Variants in PIGS observed in about 807,000 individuals in gnomAD.
The protein encoded by PIGS is phosphatidylinositol glycan anchor biosynthesis class S, also known as GPI-anchor transamidase component PIGS.
Under a neutral mutation model 58.2 loss-of-function variants are expected in PIGS, and 37 were observed. The observed-to-expected ratio is 0.64, with a 90% confidence interval of 0.49 to 0.84. PIGS has a LOEUF of 0.84. Among genes scored for constraint, PIGS ranks in the 40% least tolerant of loss-of-function variants. The pLI is 0.00. For synonymous variants in PIGS, 269 were observed against 289.2 expected, an observed-to-expected ratio of 0.93 and a Z score of 0.71; for missense variants, 629 against 710.8, an observed-to-expected ratio of 0.88 and a Z score of 1.31.
At chr17:28,560,607 G>A (rs542952280) in intron 6 of PIGS, among the ~76,000 whole-genome samples, 40 of 152,042 alleles carry the variant, frequency 2.6e-4, no homozygotes, top group East Asian at 2.1e-3. Flanking sequence ...GTGAAACCCC[G>A]TCTCTACTAA....
chr17:28,559,863 AATGG>A (rs1008928895), intron 7 of PIGS, among the ~76,000 whole-genome samples, 182 bp downstream of exon 7: 1 of 152,122 alleles, frequency 6.6e-6, no homozygotes, highest in Non-Finnish European at 1.5e-5. Flanking sequence ...ATCTGCCCTC[AATGG>A]ATGGATGGAC....
At chr17:28,570,752 G>C (rs1042642585) in intron 3 of PIGS, 100 bp downstream of exon 3, 16 of 1,168,326 alleles carry the variant, frequency 1.4e-5, no homozygotes, top group Non-Finnish European at 1.9e-5. Context: ...TCAACAGTAA[G>C]TTTTTAACTG....
intron 3 of PIGS, among the ~76,000 whole-genome samples, chr17:28,566,593 CTT>C (rs959977540): frequency 2.8e-4 from 37 of 131,340 alleles, no homozygotes; most frequent in Admixed American, 4.6e-4. Flanking sequence ...GCCCAGCCTA[CTT>C]TTTTTTTTTT....
intron 8 of PIGS, 168 bp from the exon 9 acceptor site, chr17:28,557,140 C>T (rs1201043672): frequency 4.3e-6 from 3 of 698,582 alleles, no homozygotes; most frequent in African/African-American, 3.7e-5. Context: ...TCAGAATGTT[C>T]TCCCGAGATG....
In PIGS at chr17:28,571,215, C is replaced by A. The variant is rs569144964; in HGVS notation, c.35-27G>T. 20 of 1,606,232 alleles carry A rather than the reference C, an allele frequency of 1.2e-5. No individual in the cohort carries two copies. The African/African-American group carries it at 1.5e-4, about 12-fold the overall frequency. ...TGAGGGCATGGGGAACCGACTGAGGCGCTGGAAACGGGCTAGGGTACCGGC... is the reference window on the plus strand; with the variant it reads ...TGAGGGCATGGGGAACCGACTGAGGAGCTGGAAACGGGCTAGGGTACCGGC... On this transcript the variant is annotated intron_variant, in intron 1 of 11. Coordinates refer to ENST00000308360, the MANE Select transcript of PIGS (RefSeq NM_033198.4).
chr17:28,565,966 C>T (rs1042006975), intron 3 of PIGS, among the ~76,000 whole-genome samples: 5 of 151,948 alleles, frequency 3.3e-5, no homozygotes, highest in African/African-American at 1.2e-4. Context: ...GGGAGGCGGA[C>T]GATGCAGTGA....
intron 6 of PIGS, 71 bp from the exon 7 acceptor site, chr17:28,560,262 G>T: frequency 6.6e-7 from 1 of 1,518,520 alleles, no homozygotes; most frequent in Non-Finnish European, 9.0e-7. Context: ...TGTACTCCCA[G>T]CTGAGCTGAA....
Position 28,571,049 on chromosome 17 carries a change from C to A in PIGS, c.174G>T (p.Gln58His). 1 of 1,614,210 alleles carries A rather than the reference C, an allele frequency of 6.2e-7. No homozygotes were observed. Among genetic ancestry groups the A allele is most frequent in the Non-Finnish European group, 8.5e-7 (1 of 1,180,054 alleles). ...YSQISGLNAL[Q>H]LRLMVPVTVV... ...CGACCCTCCCGCACAGCAGTCTCAC[C>A]TGAAGGGCATTCAGGCCACTGATCT... The change falls in exon 2 of 12, where the codon CAG (glutamine) becomes CAT (histidine). Residue 58 changes from glutamine to histidine, a missense_variant and splice_region_variant. Transcript: ENST00000308360.
In PIGS at chr17:28,555,049, C is replaced by T. The variant is rs769831302; in HGVS notation, c.1194G>A (p.Gly398=). 3.0e-5 allele frequency: 49 copies of T among 1,612,574 alleles called. No individual in the cohort carries two copies. Among genetic ancestry groups the T allele is most frequent in the Non-Finnish European group, 3.8e-5 (45 of 1,179,334 alleles). The stretch of plus-strand genomic sequence containing the variant: ...TTGGAGGCAGCTGGGGCTGAGCAAT[C>T]CCAAAGAGCAACCTGTAGGAACATC... ...VFLAQLRLLF[G]IAQPQLPPKC... Residue 398 remains glycine, a synonymous_variant, in exon 11 of 12, where the codon GGG becomes GGA. Coordinates refer to ENST00000308360, the MANE Select transcript of PIGS (RefSeq NM_033198.4).
rs769389444 is a variant in PIGS, at chr17:28,563,479, G to A, written c.420C>T (p.Gly140=). ...MLDEPQEQAE[G]SLTVYVISEH... Reference sequence around the variant, plus strand: ...CAGATATCACGTACACAGTCAGGGAGCCCTCCGCTTGTTCCTGAGGCTCAT... The same window carrying A: ...CAGATATCACGTACACAGTCAGGGAACCCTCCGCTTGTTCCTGAGGCTCAT... The change falls in exon 5 of 12, where the codon GGC becomes GGT. Residue 140 remains glycine, a synonymous_variant. Transcript: ENST00000308360. 115 of 1,613,964 alleles carry A rather than the reference G, an allele frequency of 7.1e-5. No individual in the cohort carries two copies. Among genetic ancestry groups the A allele is most frequent in the Non-Finnish European group, 8.5e-5 (100 of 1,180,032 alleles).
Position 28,553,843 on chromosome 17 carries a change from T to G in PIGS, c.*377A>C. On this transcript the variant is annotated 3_prime_UTR_variant, in exon 12 of 12. Coordinates refer to ENST00000308360, the MANE Select transcript of PIGS (RefSeq NM_033198.4). Reference sequence around the variant, plus strand: ...CTGTCCCACAGGGACTAGAGAGAGGTGTGGAAGGCAGGGACTTTCCCATAA... The same window carrying G: ...CTGTCCCACAGGGACTAGAGAGAGGGGTGGAAGGCAGGGACTTTCCCATAA... 1 of 249,658 alleles carries G rather than the reference T, an allele frequency of 4.0e-6. No homozygotes were observed. Among genetic ancestry groups the G allele is most frequent in the Non-Finnish European group, 7.8e-6 (1 of 127,982 alleles). 15.5% of individuals were successfully genotyped at this position (249,658 alleles called of 1,614,324 possible).
intron 10 of PIGS, 139 bp downstream of exon 10, chr17:28,556,027 C>T (rs1322053530): frequency 1.4e-6 from 1 of 701,048 alleles, no homozygotes; most frequent in African/African-American, 1.8e-5. Flanking sequence ...ATGATGGGAT[C>T]CTTAGAAACT....
intron 3 of PIGS, among the ~76,000 whole-genome samples, chr17:28,568,879 G>A (rs932139959): frequency 4.0e-5 from 6 of 151,136 alleles, no homozygotes; most frequent in Non-Finnish European, 8.8e-5. Flanking sequence ...GTGGATCACT[G>A]GAGGTCAGGA....
Position 28,554,962 on chromosome 17 carries a change from G to A in PIGS, c.1281C>T (p.Leu427=). The A allele has an allele frequency of 6.2e-7, 1 of 1,612,356 alleles. No individual in the cohort carries two copies. The highest frequency in any genetic ancestry group is 8.5e-7 in the Non-Finnish European group (1 of 1,179,012). Residue 427 remains leucine (L), a synonymous_variant, in exon 11 of 12, where the codon CTC becomes CTT. Coordinates refer to ENST00000308360, the MANE Select transcript of PIGS (RefSeq NM_033198.4). ...GLMTWELDRL[L]WARSVENLAT... ...CCAGGTTCTCCACTGACCGAGCCCAGAGCAGCCGGTCTAGCTCCCAGGTCA... is the reference window on the plus strand; with the variant it reads ...CCAGGTTCTCCACTGACCGAGCCCAAAGCAGCCGGTCTAGCTCCCAGGTCA...
rs199847558 is a variant in PIGS, at chr17:28,571,014, G to A, written c.174+35C>T. ...CACTGAGTCTCCACCTTGCCGGGGG[G>A]GCTGTCCCCCGACCCTCCCGCACAG... On this transcript the variant is annotated intron_variant, in intron 2 of 11. Coordinates refer to ENST00000308360, the MANE Select transcript of PIGS (RefSeq NM_033198.4). 76 of 1,614,128 alleles carry A rather than the reference G, an allele frequency of 4.7e-5. No homozygotes were observed. In the East Asian group the frequency reaches 1.5e-3, roughly 31 times the overall value.
At chr17:28,563,006 C>T (rs113557972) in intron 5 of PIGS, among the ~76,000 whole-genome samples, 1 of 152,094 alleles carries the variant, frequency 6.6e-6, no homozygotes, top group Non-Finnish European at 1.5e-5. Flanking sequence ...AGCCAGCATT[C>T]TTTATTAAAA....
In PIGS at chr17:28,556,849, C is replaced by G. The variant is rs779170011; in HGVS notation, c.1058G>C (p.Ser353Thr). The change falls in exon 9 of 12, where the codon AGT (serine) becomes ACT (threonine). Residue 353 changes from serine (S) to threonine (T), a missense_variant. Physicochemically the swap from Ser to Thr is moderately conservative, Grantham distance 58 (BLOSUM62 1). Coordinates refer to ENST00000308360, the MANE Select transcript of PIGS (RefSeq NM_033198.4). ...TACCATAATGCCACCCCAGCGGGGACTATGGAAGGCATTGGTGGCCACTGG... is the reference window on the plus strand; with the variant it reads ...TACCATAATGCCACCCCAGCGGGGAGTATGGAAGGCATTGGTGGCCACTGG... ...GAPVATNAFH[S>T]PRWGGIMVYN... 1.2e-6 allele frequency: 2 copies of G among 1,613,946 alleles called. No homozygotes were observed. Among genetic ancestry groups the G allele is most frequent in the East Asian group, 2.2e-5 (1 of 44,894 alleles).
In PIGS at chr17:28,555,288, T is replaced by C. The variant is rs150164479; in HGVS notation, c.1182-227A>G. 120 of 517,164 alleles carry C rather than the reference T, an allele frequency of 2.3e-4. 1 individual carries two copies. The East Asian group carries it at 4.1e-3, about 18-fold the overall frequency. 32.0% of individuals were successfully genotyped at this position (517,164 alleles called of 1,614,324 possible). A position where few individuals can be genotyped will look rare whatever the true frequency, so the allele number is the denominator to read the frequency against. Reference sequence around the variant, plus strand: ...GTTTCTGCTTTTACCTGTTTCTACATTAGATTTCCAAGATCTTGTTTTTTA... The same window carrying C: ...GTTTCTGCTTTTACCTGTTTCTACACTAGATTTCCAAGATCTTGTTTTTTA... On this transcript the variant is annotated intron_variant, in intron 10 of 11. Transcript: ENST00000308360.
At chr17:28,565,801 A>T (rs2070390568) in intron 3 of PIGS, among the ~76,000 whole-genome samples, 1 of 152,212 alleles carries the variant, frequency 6.6e-6, no homozygotes, top group Admixed American at 6.5e-5. Context: ...AGGCCAAGAC[A>T]GGCGGACTGC....
Sources: gnomAD v4.1 joint callset for allele counts (sites outside exome capture counted in the v4.1 genomes callset) on GRCh38, gnomAD v4.1.1 for gene constraint, MANE v1.5 for transcripts, NCBI Gene and HGNC (gene_info 2026-07-23, HGNC 2026-07-21) for gene names.